LTN1: variants seen among roughly 807,000 people sequenced by gnomAD.
LTN1 encodes E3 ubiquitin-protein ligase listerin.
In LTN1, 88 loss-of-function variants were observed where a neutral mutation model predicts 201.2. The ratio of observed to expected loss-of-function variants is 0.44; its 90% CI spans 0.37 to 0.52. LTN1 has a LOEUF of 0.52. Ranked by LOEUF, LTN1 falls within the 20% of genes least tolerant of loss-of-function variation. LTN1 has a pLI of 0.00. For missense variants in LTN1, 1,752 were observed against 2,038.7 expected (o/e 0.86, Z 2.71); for synonymous variants, 645 against 713.5 (o/e 0.90, Z 1.53).
chr21:28,955,664 T>A (rs1568842655), intron 16 of LTN1, among the ~76,000 whole-genome samples: 2 of 151,398 alleles, frequency 1.3e-5, no homozygotes, highest in African/African-American at 4.9e-5. Context: ...GTAGCTCACT[T>A]CTATAATCCC....
intron 6 of LTN1, among the ~76,000 whole-genome samples, chr21:28,976,327 T>TGGTGGCTCCA (rs1417015511): frequency 6.6e-6 from 1 of 152,166 alleles, no homozygotes; most frequent in Non-Finnish European, 1.5e-5. Flanking sequence ...AGGCCAGGCA[T>TGGTGGCTCCA]GGTGGCTCAC....
intron 25 of LTN1, among the ~76,000 whole-genome samples, chr21:28,937,107 G>A (rs981666495): frequency 2.0e-5 from 3 of 152,076 alleles, no homozygotes; most frequent in African/African-American, 4.8e-5. Flanking sequence ...ATGTCATGGG[G>A]GTCTTCTCAG....
At chr21:28,972,561 G>A (rs1372747844) in intron 6 of LTN1, among the ~76,000 whole-genome samples, 4 of 152,186 alleles carry the variant, frequency 2.6e-5, no homozygotes, top group Non-Finnish European at 4.4e-5. Context: ...GACAGCTGGA[G>A]GTTAGATACA....
chr21:28,979,585 G>A (rs144882117), intron 6 of LTN1, among the ~76,000 whole-genome samples: 41 of 152,224 alleles, frequency 2.7e-4, no homozygotes, highest in African/African-American at 8.4e-4. Flanking sequence ...ACAAAAGCAC[G>A]TTTTTCAAAA....
rs1283358625 is a variant in LTN1, at chr21:28,966,490, T to C, written c.2001A>G (p.Ile667Met). The change falls in exon 10 of 30, where the codon ATA becomes ATG. Residue 667 changes from isoleucine (I) to methionine (M), a missense_variant. Around this residue, in one of 3 missense-constraint regions of LTN1, gnomAD observed 1,211 missense variants for 1,312.8 expected, o/e 0.92. Transcript: ENST00000361371. ...PAVQFLYQKL[I>M]GWLNEDQRKD... is the part of the protein sequence containing the mutation. Reference sequence around the variant, plus strand: ...TCCTTTGATCTTCATTTAGCCAACCTATCAGTTTCTGGTATAAAAACTGCA... The same window carrying C: ...TCCTTTGATCTTCATTTAGCCAACCCATCAGTTTCTGGTATAAAAACTGCA... 6.2e-7 allele frequency: 1 copy of C among 1,614,072 alleles called. No homozygotes were observed. The highest frequency in any genetic ancestry group is 8.5e-7 in the Non-Finnish European group (1 of 1,180,024).
At chr21:28,972,962 C>G (rs191509038) in intron 6 of LTN1, among the ~76,000 whole-genome samples, 1 of 152,214 alleles carries the variant, frequency 6.6e-6, no homozygotes, top group Admixed American at 6.5e-5. Context: ...ATTTTGACAT[C>G]AATAATTTAA....
chr21:28,947,385 G>T, intron 19 of LTN1, 79 bp downstream of exon 19: 1 of 1,150,798 alleles, frequency 8.7e-7, no homozygotes, highest in Non-Finnish European at 1.2e-6. Flanking sequence ...TCTGCTAGAT[G>T]TGGTCTTATA....
intron 6 of LTN1, among the ~76,000 whole-genome samples, chr21:28,977,185 C>T (rs2084621718): frequency 6.6e-6 from 1 of 152,026 alleles, no homozygotes; most frequent in Admixed American, 6.6e-5. Flanking sequence ...ACCAGTCTGG[C>T]CAACACGGCA....
At position 28,977,089 on chromosome 21, in the gene LTN1, T is replaced by C. The variant is rs537316729; in HGVS notation, c.810+4030A>G. Reference sequence around the variant, plus strand: ...TGAAATTTTTATGAAAGAATAAAGTTCTGGCCAGGTGCAGTGGTTCATGCA... The same window carrying C: ...TGAAATTTTTATGAAAGAATAAAGTCCTGGCCAGGTGCAGTGGTTCATGCA... On this transcript the variant is annotated intron_variant, in intron 6 of 29. Transcript: ENST00000361371. 5.3e-5 allele frequency among the ~76,000 whole-genome samples: 8 copies of C among 152,266 alleles called. No individual in the cohort carries two copies. The East Asian group carries it at 1.5e-3, about 29-fold the overall frequency.
At chr21:28,940,526 A>G (rs545955697) in intron 25 of LTN1, among the ~76,000 whole-genome samples, 1 of 152,296 alleles carries the variant, frequency 6.6e-6, no homozygotes, top group South Asian at 2.1e-4. Flanking sequence ...CCAATGATGT[A>G]TTAAGTTATA....
Position 28,966,543 on chromosome 21 carries a change from C to A in LTN1, c.1948G>T (p.Ala650Ser), listed in dbSNP as rs2084524939. The A allele has an allele frequency of 1.2e-6, 2 of 1,613,940 alleles. No homozygotes were observed. The highest frequency in any genetic ancestry group is 2.7e-5 in the African/African-American group (2 of 74,894). ...GCAGGATTTTTTTGTACAAGCTTGG[C>A]TATTTCAAGAGGTTTGGCTTGGACA... ...SIVQAKPLEI[A>S]KLVQKNPAVQ... The change falls in exon 10 of 30, where the codon GCC becomes TCC. Residue 650 changes from alanine to serine, a missense_variant. Around this residue, in one of 3 missense-constraint regions of LTN1, gnomAD observed 1,211 missense variants for 1,312.8 expected, o/e 0.92. Coordinates refer to ENST00000361371, the MANE Select transcript of LTN1 (RefSeq NM_015565.3).
chr21:28,931,462 T>C (rs1383831455), intron 28 of LTN1, 140 bp from the exon 29 acceptor site: 3 of 562,338 alleles, frequency 5.3e-6, no homozygotes, highest in African/African-American at 1.9e-5. Flanking sequence ...TCCCAACTTA[T>C]GAATGTTGGT....
At chr21:28,975,725 T>C (rs2084609993) in intron 6 of LTN1, among the ~76,000 whole-genome samples, 1 of 152,136 alleles carries the variant, frequency 6.6e-6, no homozygotes, top group African/African-American at 2.4e-5. Flanking sequence ...GCTGACAATA[T>C]GAAACATGAG....
intron 25 of LTN1, among the ~76,000 whole-genome samples, chr21:28,940,769 T>C (rs527583792): frequency 5.3e-5 from 8 of 152,312 alleles, no homozygotes; most frequent in Admixed American, 1.3e-4. Flanking sequence ...AGTAAACTTA[T>C]TAAGCAGATG....
intron 17 of LTN1, among the ~76,000 whole-genome samples, chr21:28,952,685 C>T (rs948316787): frequency 6.6e-6 from 1 of 152,180 alleles, no homozygotes. Context: ...GAAAGGAAGC[C>T]TGGGTCCTCT....
At chr21:28,972,860 C>T (rs2084586086) in intron 6 of LTN1, among the ~76,000 whole-genome samples, 1 of 152,092 alleles carries the variant, frequency 6.6e-6, no homozygotes, top group African/African-American at 2.4e-5. Flanking sequence ...CACACAAAGA[C>T]ACATTATGCA....
At chr21:28,953,139 A>G in intron 17 of LTN1, 78 bp downstream of exon 17, 2 of 957,224 alleles carry the variant, frequency 2.1e-6, no homozygotes, top group South Asian at 1.9e-5. Context: ...AGCATGCAGT[A>G]GGGTTACCTC....
rs762291279 is a variant in LTN1, at chr21:28,992,844, G to A, written c.-39C>T. The A allele has an allele frequency of 3.1e-6, 5 of 1,614,134 alleles. No homozygotes were observed. The highest frequency in any genetic ancestry group is 1.6e-4 in the Middle Eastern group (1 of 6,062). ...GCTGTACTCTGAGCACTCAGACCCC[G>A]GTTGACACGTCCGGGACACAACTTC... On this transcript the variant is annotated 5_prime_UTR_variant, in exon 1 of 30. Coordinates refer to ENST00000361371, the MANE Select transcript of LTN1 (RefSeq NM_015565.3).
intron 4 of LTN1, among the ~76,000 whole-genome samples, chr21:28,984,303 G>A (rs1378230045): frequency 1.3e-5 from 2 of 151,586 alleles, no homozygotes; most frequent in Non-Finnish European, 2.9e-5. Flanking sequence ...TAATACCAGA[G>A]AGCCAATAAA....
Sources: allele counts gnomAD v4.1 joint callset (sites outside exome capture counted in the v4.1 genomes callset), GRCh38; gene constraint gnomAD v4.1.1; regional missense constraint gnomAD v4.1.1; transcripts MANE v1.5; gene names NCBI Gene and HGNC (gene_info 2026-07-23, HGNC 2026-07-21).